The following TDRD9 variants were observed in gnomAD, a reference collection of about 807,000 sequenced individuals.
TDRD9 encodes ATP-dependent RNA helicase TDRD9.
A neutral mutation model predicts 172.6 loss-of-function variants in TDRD9; 124 were observed. That is an observed-to-expected ratio of 0.72 (90% CI 0.62 to 0.83). The LOEUF (loss-of-function observed/expected upper bound fraction) is 0.83. TDRD9 is among the 40% of genes least tolerant of loss of function. The pLI is 0.00. For missense variants in TDRD9, 1,479 were observed against 1,714.1 expected, an observed-to-expected ratio of 0.86 and a Z score of 2.42; for synonymous variants, 619 against 617.1, an observed-to-expected ratio of 1.00 and a Z score of -0.05.
At chr14:103,931,724 C>T (rs150223173) in intron 1 of TDRD9, among the ~76,000 whole-genome samples, 7 of 152,170 alleles carry the variant, frequency 4.6e-5, no homozygotes, top group Admixed American at 6.5e-5. Flanking sequence ...AAAGAGATTT[C>T]GCAGCTGTAA....
intron 23 of TDRD9, 30 bp from the exon 24 acceptor site, chr14:104,022,127 T>C: frequency 6.5e-7 from 1 of 1,534,308 alleles, no homozygotes; most frequent in Non-Finnish European, 8.8e-7. Context: ...GCCTGATAAA[T>C]TTATTTTTAA....
chr14:103,975,343 T>A lies in TDRD9; in HGVS notation c.847-46T>A, dbSNP rs535924871. 560 of 1,568,816 alleles carry A rather than the reference T, an allele frequency of 3.6e-4. 6 individuals carry two copies. In the South Asian group the frequency reaches 6.2e-3, roughly 17 times the overall value. ...TGCAGTTTTAGAAGTATTTAATTTG[T>A]GATGATTCTCATTGTTTTATTTGAA... On this transcript the variant is annotated intron_variant, in intron 6 of 35. Transcript: ENST00000409874.
chr14:104,051,882 A>G, intron 35 of TDRD9, 99 bp from the exon 36 acceptor site: 1 of 698,886 alleles, frequency 1.4e-6, no homozygotes, highest in Non-Finnish European at 2.5e-6. Context: ...TGGAGAACTG[A>G]ATTATACTTT....
At chr14:104,022,671 C>T (rs2034995410) in intron 24 of TDRD9, among the ~76,000 whole-genome samples, 1 of 151,920 alleles carries the variant, frequency 6.6e-6, no homozygotes, top group East Asian at 1.9e-4. Context: ...AGGTTACAGT[C>T]AGCCGAGATT....
intron 33 of TDRD9, among the ~76,000 whole-genome samples, chr14:104,041,398 C>G (rs191583524): frequency 6.6e-6 from 1 of 152,252 alleles, no homozygotes; most frequent in East Asian, 1.9e-4. Context: ...AAATTAAAAA[C>G]TTTTGTTCCG....
intron 1 of TDRD9, among the ~76,000 whole-genome samples, chr14:103,930,652 C>T (rs955478293): frequency 4.6e-5 from 7 of 152,070 alleles, no homozygotes; most frequent in African/African-American, 1.7e-4. Context: ...GACCGAGAGA[C>T]CCCTTGTGCA....
intron 34 of TDRD9, among the ~76,000 whole-genome samples, chr14:104,048,481 C>G (rs61244535): frequency 0.33 from 50,273 of 152,012 alleles, 8,495 homozygotes; most frequent in Middle Eastern, 0.37. Context: ...ATCTGCACAG[C>G]TTAGTGCTTA....
At position 104,006,537 on chromosome 14, in the gene TDRD9, A is replaced by G. The variant is rs780746239; in HGVS notation, c.1862A>G (p.Asp621Gly). 4 of 1,613,852 alleles carry G rather than the reference A, an allele frequency of 2.5e-6. No individual in the cohort carries two copies. The highest frequency in any genetic ancestry group is 3.4e-6 in the Non-Finnish European group (4 of 1,179,740). ...CTTGGACATGTATTTGGATGTCTAG[A>G]TGAATGTCTTATTATAGGTAAGTGT... The part of the protein sequence containing the change: ...IVLGHVFGCL[D>G]ECLIIAAALS... Residue 621 changes from aspartate (D) to glycine (G), a missense_variant, in exon 16 of 36, where the codon GAT becomes GGT. Physicochemically the swap from Asp to Gly is moderately conservative, Grantham distance 94. Transcript: ENST00000409874.
In TDRD9 at chr14:104,024,645, G is replaced by A. The variant is rs1304598696; in HGVS notation, c.2683G>A (p.Val895Ile). 4 of 1,611,780 alleles carry A rather than the reference G, an allele frequency of 2.5e-6. No individual in the cohort carries two copies. Among genetic ancestry groups the A allele is most frequent in the Non-Finnish European group, 3.4e-6 (4 of 1,178,244 alleles). Residue 895 changes from valine to isoleucine, a missense_variant, in exon 25 of 36, where the codon GTT becomes ATT. By Grantham distance (29) the Val-to-Ile change is conservative. Around this residue, in one of 3 missense-constraint regions of TDRD9, gnomAD observed 1,413 missense variants for 1,649.1 expected, o/e 0.86. Coordinates refer to ENST00000409874, the MANE Select transcript of TDRD9 (RefSeq NM_153046.3). Reference sequence around the variant, plus strand: ...TAACACATCAGACAGGTCCCAGACAGTTACAGATCTCCTTCTAACTATTGA... The same window carrying A: ...TAACACATCAGACAGGTCCCAGACAATTACAGATCTCCTTCTAACTATTGA... Reference protein sequence around the residue: ...SFNTSDRSQTVTDLLLTIDVT... With the variant: ...SFNTSDRSQTITDLLLTIDVT...
chr14:103,975,588 C>G (rs10147923), intron 7 of TDRD9, 35 bp downstream of exon 7: 40,821 of 1,554,174 alleles, frequency 0.026, 716 homozygotes, highest in East Asian at 0.064. Flanking sequence ...TTATAGTGAG[C>G]GTACTCTTGT....
Position 104,006,417 on chromosome 14 carries a change from G to A in TDRD9, c.1742G>A (p.Arg581Lys). ...EVGALAVSGQ[R>K]EDENPHDGEL... ...GGAGCACTTGCAGTGAGTGGGCAGA[G>A]AGAAGATGAAAACCCCCATGATGGT... is the stretch of plus-strand genomic sequence containing the variant. Residue 581 changes from arginine (R) to lysine (K), a missense_variant, in exon 16 of 36, where the codon AGA becomes AAA. By Grantham distance (26) the Arg-to-Lys change is conservative. Transcript: ENST00000409874. The A allele has an allele frequency of 6.2e-7, 1 of 1,613,906 alleles. No homozygotes were observed. Among genetic ancestry groups the A allele is most frequent in the South Asian group, 1.1e-5 (1 of 91,070 alleles).
chr14:103,973,795 CAA>C (rs1414868734), intron 6 of TDRD9, among the ~76,000 whole-genome samples: 1 of 152,228 alleles, frequency 6.6e-6, no homozygotes, highest in Non-Finnish European at 1.5e-5. Context: ...TCAGACATCT[CAA>C]AATGAGTTTT....
At chr14:104,004,143 C>G in intron 13 of TDRD9, 95 bp from the exon 14 acceptor site, 1 of 564,182 alleles carries the variant, frequency 1.8e-6, no homozygotes, top group African/African-American at 1.8e-5. Flanking sequence ...TAAGGCTTTG[C>G]TTAATTAATA....
chr14:104,026,320 G>A (rs2035117251), intron 27 of TDRD9, among the ~76,000 whole-genome samples, 184 bp downstream of exon 27: 1 of 152,138 alleles, frequency 6.6e-6, no homozygotes, highest in Non-Finnish European at 1.5e-5. Flanking sequence ...ATACATGAAA[G>A]GATTCAGATT....
intron 1 of TDRD9, among the ~76,000 whole-genome samples, chr14:103,937,004 A>C (rs1333484627): frequency 6.6e-6 from 1 of 152,160 alleles, no homozygotes; most frequent in East Asian, 1.9e-4. Context: ...ACTCAGAAGG[A>C]TCATTTGAAG....
chr14:104,024,655 T>C lies in TDRD9; in HGVS notation c.2693T>C (p.Leu898Pro), dbSNP rs142824014. Residue 898 changes from leucine to proline, a missense_variant, in exon 25 of 36, where the codon CTC (leucine) becomes CCC (proline). Coordinates refer to ENST00000409874, the MANE Select transcript of TDRD9 (RefSeq NM_153046.3). The stretch of plus-strand genomic sequence containing the variant: ...GACAGGTCCCAGACAGTTACAGATC[T>C]CCTTCTAACTATTGATGTCACAGAG... ...TSDRSQTVTD[L>P]LLTIDVTEVV... 3.1e-6 allele frequency: 5 copies of C among 1,607,278 alleles called. No individual in the cohort carries two copies. The highest frequency in any genetic ancestry group is 1.3e-5 in the African/African-American group (1 of 74,752).
chr14:103,953,306 G>C (rs1285214116), intron 1 of TDRD9, among the ~76,000 whole-genome samples: 2 of 152,006 alleles, frequency 1.3e-5, no homozygotes, highest in Admixed American at 1.3e-4. Context: ...AGCCACCCAG[G>C]CATCTTGACT....
chr14:103,943,337 G>A lies in TDRD9; in HGVS notation c.216-12327G>A, dbSNP rs568750524. ...CTAGTTTAAAAAAATATATACACAC[G>A]CACATATGTACATACATATATGTTT... On this transcript the variant is annotated intron_variant, in intron 1 of 35. Coordinates refer to ENST00000409874, the MANE Select transcript of TDRD9 (RefSeq NM_153046.3). Among the ~76,000 whole-genome samples, 97 of 150,886 alleles carry A rather than the reference G, an allele frequency of 6.4e-4. 1 individual carries two copies. In the South Asian group the frequency reaches 8.4e-3, roughly 13 times the overall value.
intron 3 of TDRD9, among the ~76,000 whole-genome samples, chr14:103,964,676 T>A (rs1184103486): frequency 1.3e-5 from 2 of 151,672 alleles, no homozygotes; most frequent in African/African-American, 4.8e-5. Context: ...ACAGGCGCGC[T>A]ACCATGCCCA....
Sources: gnomAD v4.1 joint callset for allele counts (sites outside exome capture counted in the v4.1 genomes callset) on GRCh38, gnomAD v4.1.1 for gene constraint, gnomAD v4.1.1 regional missense constraint, MANE v1.5 for transcripts, NCBI Gene and HGNC (gene_info 2026-07-23, HGNC 2026-07-21) for gene names.